SENP8: variants seen among roughly 807,000 people sequenced by gnomAD.
SENP8 encodes the protein sentrin-specific protease 8.
A neutral mutation model predicts 14.4 loss-of-function variants in SENP8; 10 were observed. The ratio of observed to expected loss-of-function variants is 0.69; its 90% CI spans 0.43 to 1.18. The LOEUF is 1.18. SENP8 is among the 50% of genes most tolerant of loss of function. The pLI, the probability that SENP8 is intolerant of heterozygous loss-of-function variation, is 0.00. For synonymous variants in SENP8, 94 were observed against 95.5 expected (o/e 0.98, Z 0.09); for missense variants, 202 against 249.4 (o/e 0.81, Z 1.28).
At chr15:72,131,468 G>A (rs977164244) in intron 1 of SENP8, among the ~76,000 whole-genome samples, 6 of 152,106 alleles carry the variant, frequency 3.9e-5, no homozygotes, top group African/African-American at 1.4e-4. Flanking sequence ...ATTGAATTGT[G>A]AATTTTCCCT....
chr15:72,140,901 T>G lies in SENP8; in HGVS notation c.*639T>G, dbSNP rs1341593232. On this transcript the variant is annotated 3_prime_UTR_variant, in exon 2 of 2. Coordinates refer to ENST00000340912, the MANE Select transcript of SENP8 (RefSeq NM_145204.4). ...GTTACCCTATCTTCCTCCATCTGAT[T>G]CCTGGAATGCTTGAAGAAAGGGGAA... 6.0e-6 allele frequency: 1 copy of G among 167,182 alleles called. No individual in the cohort carries two copies. The highest frequency in any genetic ancestry group is 2.4e-5 in the African/African-American group (1 of 41,476). The allele number at this position is 167,182 out of a possible 1,614,324, so 10.4% of individuals were successfully genotyped here. A position where few individuals can be genotyped will look rare whatever the true frequency, so the allele number is the denominator to read the frequency against.
upstream of SENP8, chr15:72,117,907 C>G (rs984783115): frequency 7.5e-6 from 3 of 398,496 alleles, no homozygotes; most frequent in Admixed American, 4.4e-5. Flanking sequence ...GCACATCCCC[C>G]GCCGCACCCC....
At chr15:72,118,656 C>T (rs1400020070) in intron 1 of SENP8, 192 bp downstream of exon 1, 1 of 152,218 alleles carries the variant, frequency 6.6e-6, no homozygotes, top group Admixed American at 6.5e-5. Context: ...CCCGCCCCGA[C>T]CTCCGTTTCC....
intron 1 of SENP8, among the ~76,000 whole-genome samples, chr15:72,138,552 G>C (rs994033941): frequency 1.3e-5 from 2 of 151,238 alleles, no homozygotes; most frequent in African/African-American, 2.4e-5. Context: ...GTTTCACCAT[G>C]TTGGCCAGGC....
At position 72,141,610 on chromosome 15, in the gene SENP8, A is replaced by G. The variant is rs973106321; in HGVS notation, c.*1348A>G. On this transcript the variant is annotated 3_prime_UTR_variant, in exon 2 of 2. Coordinates refer to ENST00000340912, the MANE Select transcript of SENP8 (RefSeq NM_145204.4). Reference sequence around the variant, plus strand: ...CCACTCAGTGACCACAGAGAAAGTAACTTGGTTCCTTTTAGCCGAGAAGGG... The same window carrying G: ...CCACTCAGTGACCACAGAGAAAGTAGCTTGGTTCCTTTTAGCCGAGAAGGG... 1 of 152,242 alleles carries G rather than the reference A, an allele frequency of 6.6e-6. No homozygotes were observed. Among genetic ancestry groups the G allele is most frequent in the African/African-American group, 2.4e-5 (1 of 41,442 alleles). 9.4% of individuals were successfully genotyped at this position (152,242 alleles called of 1,614,324 possible). A position where few individuals can be genotyped will look rare whatever the true frequency, so the allele number is the denominator to read the frequency against.
chr15:72,117,677 T>C (rs2151287644), upstream of SENP8: 2 of 396,374 alleles, frequency 5.0e-6, no homozygotes, highest in Non-Finnish European at 8.9e-6. Flanking sequence ...GGGCGGGTCT[T>C]ACCTCGGGCT....
In SENP8 at chr15:72,139,611, T is replaced by C; in HGVS notation, c.-13T>C. On this transcript the variant is annotated 5_prime_UTR_variant, in exon 2 of 2. Transcript: ENST00000340912. ...AGCTTCTGGAATTTCTGAGCAGCCC[T>C]CGTCAGTACAAGATGGACCCCGTAG... 1 of 1,605,208 alleles carries C rather than the reference T, an allele frequency of 6.2e-7. No individual in the cohort carries two copies. The highest frequency in any genetic ancestry group is 8.5e-7 in the Non-Finnish European group (1 of 1,174,240).
rs764844600 is a variant in SENP8 at position 72,139,710 on chromosome 15, C to T, written c.87C>T (p.Asp29=). ...TGGATCCGCCAAGCTGGCTCAATGA[C>T]CATATTATTGGGTTTGCGTTTGAGT... ...SLLDPPSWLN[D]HIIGFAFEYF... The change falls in exon 2 of 2, where the codon GAC becomes GAT. Residue 29 remains aspartate, a synonymous_variant. Coordinates refer to ENST00000340912, the MANE Select transcript of SENP8 (RefSeq NM_145204.4). The T allele has an allele frequency of 1.2e-6, 2 of 1,614,156 alleles. No homozygotes were observed. The highest frequency in any genetic ancestry group is 3.3e-4 in the Middle Eastern group (2 of 6,062).
intron 1 of SENP8, among the ~76,000 whole-genome samples, chr15:72,119,485 A>T (rs2081127832): frequency 6.6e-6 from 1 of 152,170 alleles, no homozygotes. Context: ...GCGGTGGCTC[A>T]CGCCTGTAAT....
chr15:72,136,019 T>A (rs1305211729), intron 1 of SENP8, among the ~76,000 whole-genome samples: 1 of 152,226 alleles, frequency 6.6e-6, no homozygotes, highest in Non-Finnish European at 1.5e-5. Flanking sequence ...TCTGCCTTTA[T>A]ATTATAAACT....
intron 1 of SENP8, 40 bp downstream of exon 1, chr15:72,118,504 G>C (rs879836648): frequency 2.6e-5 from 4 of 152,262 alleles, no homozygotes; most frequent in Non-Finnish European, 5.9e-5. Flanking sequence ...TCTCGGCAGT[G>C]GATCGCTCTC....
At chr15:72,131,490 T>C (rs1489316910) in intron 1 of SENP8, among the ~76,000 whole-genome samples, 6 of 152,216 alleles carry the variant, frequency 3.9e-5, no homozygotes, top group Non-Finnish European at 7.3e-5. Flanking sequence ...CAAGTTGGTT[T>C]TTATTACTTT....
upstream of SENP8, chr15:72,118,106 C>T (rs1468807480): frequency 5.1e-6 from 2 of 389,788 alleles, no homozygotes; most frequent in Non-Finnish European, 9.1e-6. Flanking sequence ...GCACGCGGCC[C>T]CGCCCCGCGC....
intron 1 of SENP8, among the ~76,000 whole-genome samples, chr15:72,126,900 T>A (rs921855736): frequency 1.3e-5 from 2 of 152,202 alleles, no homozygotes; most frequent in Non-Finnish European, 2.9e-5. Flanking sequence ...CACCCCTAGT[T>A]TTAAGTCAAG....
Position 72,139,699 on chromosome 15 carries a change from T to C in SENP8, c.76T>C (p.Trp26Arg). 6.2e-7 allele frequency: 1 copy of C among 1,614,230 alleles called. No individual in the cohort carries two copies. Residue 26 changes from tryptophan (W) to arginine (R), a missense_variant, in exon 2 of 2, where the codon TGG becomes CGG. Transcript: ENST00000340912. ...SDVSLLDPPS[W>R]LNDHIIGFAF... ...TGTCTCACTATTGGATCCGCCAAGCTGGCTCAATGACCATATTATTGGGTT... is the reference window on the plus strand; with the variant it reads ...TGTCTCACTATTGGATCCGCCAAGCCGGCTCAATGACCATATTATTGGGTT...
intron 1 of SENP8, among the ~76,000 whole-genome samples, chr15:72,125,795 C>A (rs1222863788): frequency 1.3e-5 from 2 of 151,558 alleles, no homozygotes; most frequent in African/African-American, 4.8e-5. Flanking sequence ...ACCATGTAAT[C>A]TTTTTTCTTT....
chr15:72,132,116 C>T (rs1567068976), intron 1 of SENP8, among the ~76,000 whole-genome samples: 1 of 152,054 alleles, frequency 6.6e-6, no homozygotes, highest in African/African-American at 2.4e-5. Context: ...TAGTAAGTGG[C>T]AAGGTCAGAG....
intron 1 of SENP8, among the ~76,000 whole-genome samples, chr15:72,137,511 A>G (rs781093737): frequency 1.3e-5 from 2 of 152,126 alleles, no homozygotes; most frequent in Non-Finnish European, 2.9e-5. Flanking sequence ...AGGCAAACAC[A>G]TGTTATATCA....
intron 1 of SENP8, among the ~76,000 whole-genome samples, chr15:72,121,739 T>A (rs2081170076): frequency 6.6e-6 from 1 of 152,036 alleles, no homozygotes; most frequent in Non-Finnish European, 1.5e-5. Flanking sequence ...AATCTTGAGG[T>A]GATCTCTAGA....
Sources: gnomAD v4.1 joint callset for allele counts (sites outside exome capture counted in the v4.1 genomes callset) on GRCh38, gnomAD v4.1.1 for gene constraint, MANE v1.5 for transcripts, NCBI Gene and HGNC (gene_info 2026-07-23, HGNC 2026-07-21) for gene names.